NLN: variants seen among roughly 807,000 people sequenced by gnomAD.
The protein encoded by NLN is neurolysin, mitochondrial.
In NLN, 64 loss-of-function variants were observed where a neutral mutation model predicts 79.9. That is an observed-to-expected ratio of 0.80 (90% CI 0.65 to 0.99). NLN has a LOEUF of 0.99. Among genes scored for constraint, NLN ranks in the 50% least tolerant of loss-of-function variants. The pLI is 0.00. For missense variants in NLN, 835 were observed against 858.7 expected, an observed-to-expected ratio of 0.97 and a Z score of 0.34; for synonymous variants, 267 against 296.6, an observed-to-expected ratio of 0.90 and a Z score of 1.02.
At chr5:65,822,723 G>A in intron 12 of NLN, 58 bp from the exon 13 acceptor site, 1 of 1,380,386 alleles carries the variant, frequency 7.2e-7, no homozygotes, top group Middle Eastern at 1.8e-4. Flanking sequence ...TTTGCATCTA[G>A]AGATTTGGAA....
intron 7 of NLN, among the ~76,000 whole-genome samples, chr5:65,786,300 A>G (rs1225944556): frequency 6.6e-6 from 1 of 152,224 alleles, no homozygotes; most frequent in Admixed American, 6.5e-5. Flanking sequence ...TAAAACATAC[A>G]TAAACAAAAA....
At chr5:65,786,029 T>C (rs1759913908) in intron 7 of NLN, 119 bp downstream of exon 7, 1 of 854,358 alleles carries the variant, frequency 1.2e-6, no homozygotes, top group Non-Finnish European at 1.8e-6. Context: ...GAGAGAAGTA[T>C]ATTGATCACC....
intron 3 of NLN, among the ~76,000 whole-genome samples, chr5:65,774,177 CAG>C (rs1029888771): frequency 1.4e-4 from 21 of 150,260 alleles, no homozygotes; most frequent in African/African-American, 4.9e-4. Flanking sequence ...GAGATGCAGA[CAG>C]GGAGAGAGAA....
Position 65,827,402 on chromosome 5 carries a change from T to C in NLN, c.*4487T>C, listed in dbSNP as rs566453413. On this transcript the variant is annotated 3_prime_UTR_variant, in exon 13 of 13. Transcript: ENST00000380985. ...ATTTCATAGACCCCAGAGGCTCACC[T>C]CAATTGTACTCCTATGATAAAATGT... The C allele has an allele frequency of 6.6e-6, 1 of 152,220 alleles. No homozygotes were observed. The highest frequency in any genetic ancestry group is 1.5e-5 in the Non-Finnish European group (1 of 68,042). 9.4% of individuals were successfully genotyped at this position (152,220 alleles called of 1,614,324 possible). A position where few individuals can be genotyped will look rare whatever the true frequency, so the allele number is the denominator to read the frequency against.
intron 9 of NLN, among the ~76,000 whole-genome samples, chr5:65,798,728 A>G (rs1483144815): frequency 1.6e-4 from 24 of 152,244 alleles, no homozygotes; most frequent in Admixed American, 1.4e-3. Context: ...ATGTGTAAAT[A>G]AAATAAATGA....
chr5:65,727,790 A>G (rs934207029), intron 1 of NLN, among the ~76,000 whole-genome samples: 2 of 152,104 alleles, frequency 1.3e-5, no homozygotes, highest in Non-Finnish European at 2.9e-5. Flanking sequence ...TTTTTTTGAG[A>G]CAGTCTCGCT....
At chr5:65,803,232 C>A (rs1760328917) in intron 9 of NLN, among the ~76,000 whole-genome samples, 1 of 152,196 alleles carries the variant, frequency 6.6e-6, no homozygotes, top group Admixed American at 6.5e-5. Context: ...CAGGGACCCA[C>A]CCCTTTCTGC....
At chr5:65,815,756 G>A (rs571972621) in intron 12 of NLN, among the ~76,000 whole-genome samples, 122 of 151,838 alleles carry the variant, frequency 8.0e-4, no homozygotes, top group African/African-American at 2.8e-3. Context: ...GGGGTTTTTT[G>A]TTGGTGGCGG....
At chr5:65,780,728 C>T (rs998659797) in intron 5 of NLN, among the ~76,000 whole-genome samples, 1 of 152,096 alleles carries the variant, frequency 6.6e-6, no homozygotes, top group African/African-American at 2.4e-5. Context: ...GGCTGGAGTG[C>T]GATGGCGCAA....
chr5:65,743,790 G>T (rs1481207211), intron 1 of NLN, among the ~76,000 whole-genome samples: 1 of 152,038 alleles, frequency 6.6e-6, no homozygotes, highest in African/African-American at 2.4e-5. Context: ...AACCATTTTT[G>T]TTTCCTTCAT....
intron 10 of NLN, 111 bp from the exon 11 acceptor site, chr5:65,809,926 C>T: frequency 1.6e-6 from 2 of 1,244,632 alleles, no homozygotes; most frequent in East Asian, 2.3e-5. Context: ...ATGTCCTGCT[C>T]CCATTTTGTG....
intron 6 of NLN, among the ~76,000 whole-genome samples, chr5:65,785,500 T>C (rs1759899241): frequency 6.6e-6 from 1 of 152,056 alleles, no homozygotes; most frequent in Non-Finnish European, 1.5e-5. Flanking sequence ...CTTAAAAATA[T>C]ATTTTCACTC....
Position 65,824,222 on chromosome 5 carries a change from T to C in NLN, c.*1307T>C, listed in dbSNP as rs1760867955. On this transcript the variant is annotated 3_prime_UTR_variant, in exon 13 of 13. Transcript: ENST00000380985. ...GCGCATACCTCAGGTATGACTTTGC[T>C]AGCCGGGGACAAAATTAGCACCTTC... 1 of 152,184 alleles carries C rather than the reference T, an allele frequency of 6.6e-6. No individual in the cohort carries two copies. Among genetic ancestry groups the C allele is most frequent in the African/African-American group, 2.4e-5 (1 of 41,450 alleles). The allele number at this position is 152,184 out of a possible 1,614,324, so 9.4% of individuals were successfully genotyped here.
chr5:65,745,849 G>T (rs778703725), intron 1 of NLN, among the ~76,000 whole-genome samples: 1 of 152,212 alleles, frequency 6.6e-6, no homozygotes, highest in African/African-American at 2.4e-5. Context: ...GAACAGATTA[G>T]AAAGCATCCA....
intron 1 of NLN, among the ~76,000 whole-genome samples, chr5:65,739,109 G>A (rs2910941): frequency 0.22 from 32,036 of 144,170 alleles, 3,814 homozygotes; most frequent in African/African-American, 0.25. Context: ...CACCATGTTC[G>A]CCAGGCTGGT....
intron 1 of NLN, among the ~76,000 whole-genome samples, chr5:65,735,416 T>C (rs1337732735): frequency 6.6e-6 from 1 of 152,208 alleles, no homozygotes; most frequent in Non-Finnish European, 1.5e-5. Flanking sequence ...GGCTTGCTTT[T>C]TTGCCATTGT....
chr5:65,819,318 T>C (rs751039547), intron 12 of NLN, among the ~76,000 whole-genome samples: 10 of 152,118 alleles, frequency 6.6e-5, no homozygotes, highest in Non-Finnish European at 1.2e-4. Context: ...ATGCCAGATA[T>C]TATGCTAGAG....
At chr5:65,751,446 A>C (rs1242788336) in intron 1 of NLN, among the ~76,000 whole-genome samples, 2 of 152,202 alleles carry the variant, frequency 1.3e-5, no homozygotes, top group South Asian at 4.1e-4. Flanking sequence ...ATCAGTGTGC[A>C]GTGCATTGGG....
intron 1 of NLN, among the ~76,000 whole-genome samples, chr5:65,752,238 A>C (rs1175960583): frequency 2.1e-5 from 1 of 48,124 alleles, no homozygotes; most frequent in Non-Finnish European, 6.8e-5. Context: ...ACCCTGTTTC[A>C]AAAAAAAAAA....
Sources: allele counts gnomAD v4.1 joint callset (sites outside exome capture counted in the v4.1 genomes callset), GRCh38; gene constraint gnomAD v4.1.1; transcripts MANE v1.5; gene names NCBI Gene and HGNC (gene_info 2026-07-23, HGNC 2026-07-21).